Variants in SULF1 observed in about 807,000 individuals in gnomAD.
SULF1 encodes extracellular sulfatase Sulf-1.
In SULF1, 46 loss-of-function variants were observed where a neutral mutation model predicts 110.5. That is an observed-to-expected ratio of 0.42 (90% CI 0.33 to 0.53). The LOEUF is 0.53. Among genes scored for constraint, SULF1 ranks in the 20% least tolerant of loss-of-function variants. SULF1 has a pLI of 0.12. For missense variants in SULF1, 941 were observed against 1,094.2 expected (o/e 0.86, Z 1.98); for synonymous variants, 371 against 387.1 (o/e 0.96, Z 0.49).
intron 2 of SULF1, among the ~76,000 whole-genome samples, chr8:69,500,341 G>A (rs1810706521): frequency 1.3e-5 from 2 of 152,144 alleles, no homozygotes; most frequent in Non-Finnish European, 2.9e-5. Flanking sequence ...TGTCAGAGGA[G>A]AATACTGAGG....
chr8:69,513,259 A>G (rs1438765414), intron 3 of SULF1, among the ~76,000 whole-genome samples: 1 of 152,220 alleles, frequency 6.6e-6, no homozygotes, highest in Admixed American at 6.5e-5. Flanking sequence ...TTTTAAGATC[A>G]CCTACATAAT....
intron 3 of SULF1, among the ~76,000 whole-genome samples, chr8:69,517,718 A>G (rs1682208290): frequency 6.6e-6 from 1 of 152,210 alleles, no homozygotes; most frequent in South Asian, 2.1e-4. Context: ...AAAAGTATCC[A>G]GTAAAAAAGA....
chr8:69,634,563 G>A (rs1012640316), intron 19 of SULF1, among the ~76,000 whole-genome samples: 1 of 152,110 alleles, frequency 6.6e-6, no homozygotes, highest in Non-Finnish European at 1.5e-5. Context: ...GAGCCCAGGA[G>A]TTCAAGACCA....
rs534337757 is a variant in SULF1, at chr8:69,591,914, T to C, written c.734+2773T>C. 1.1e-4 allele frequency among the ~76,000 whole-genome samples: 16 copies of C among 152,342 alleles called. No individual in the cohort carries two copies. In the South Asian group the frequency reaches 3.3e-3, roughly 32 times the overall value. On this transcript the variant is annotated intron_variant, in intron 8 of 22. Transcript: ENST00000402687. Reference sequence around the variant, plus strand: ...CAGATACCATACAGCCTGGAAATACTATCTCATCCTCGATAAAGTAACTTT... The same window carrying C: ...CAGATACCATACAGCCTGGAAATACCATCTCATCCTCGATAAAGTAACTTT...
At chr8:69,488,257 G>C (rs1809782154), upstream of SULF1, among the ~76,000 whole-genome samples, 1 of 152,120 alleles carries the variant, frequency 6.6e-6, no homozygotes, top group South Asian at 2.1e-4. Context: ...TCTTGCCTGT[G>C]GAGATGAGAA....
chr8:69,564,515 T>C (rs555290006), intron 5 of SULF1, among the ~76,000 whole-genome samples: 1 of 152,342 alleles, frequency 6.6e-6, no homozygotes, highest in South Asian at 2.1e-4. Flanking sequence ...ATGCAATGGA[T>C]ATGAATATAG....
intron 2 of SULF1, among the ~76,000 whole-genome samples, chr8:69,498,513 T>G (rs1810546212): frequency 6.6e-6 from 1 of 152,028 alleles, no homozygotes. Context: ...GACACAACCC[T>G]CACTCTGAGG....
intron 1 of SULF1, among the ~76,000 whole-genome samples, chr8:69,480,416 T>C (rs1809468881): frequency 6.6e-6 from 1 of 152,224 alleles, no homozygotes; most frequent in Non-Finnish European, 1.5e-5. Flanking sequence ...AAATATACCA[T>C]ATTTGGTCAA....
chr8:69,529,785 G>T (rs1812958454), intron 3 of SULF1, among the ~76,000 whole-genome samples: 1 of 152,164 alleles, frequency 6.6e-6, no homozygotes, highest in Non-Finnish European at 1.5e-5. Context: ...CCACATGCAT[G>T]GAAACTGAGA....
At chr8:69,535,731 C>G (rs895614596) in intron 3 of SULF1, among the ~76,000 whole-genome samples, 1 of 152,054 alleles carries the variant, frequency 6.6e-6, no homozygotes, top group Non-Finnish European at 1.5e-5. Context: ...CCACCCTCAT[C>G]CAAAGCAAAG....
intron 13 of SULF1, among the ~76,000 whole-genome samples, chr8:69,619,328 G>A (rs1295721263): frequency 6.6e-6 from 1 of 152,220 alleles, no homozygotes; most frequent in East Asian, 1.9e-4. Context: ...TGTGACAACT[G>A]TGGCCAACTT....
chr8:69,516,334 T>C (rs1811915932), intron 3 of SULF1, among the ~76,000 whole-genome samples: 1 of 151,922 alleles, frequency 6.6e-6, no homozygotes, highest in African/African-American at 2.4e-5. Context: ...GGCATTGTCC[T>C]ACATTGCTGA....
chr8:69,476,601 A>G (rs1365831504), intron 1 of SULF1, among the ~76,000 whole-genome samples: 1 of 152,212 alleles, frequency 6.6e-6, no homozygotes, highest in African/African-American at 2.4e-5. Context: ...TCCTCAAAAG[A>G]GACTTGGGTC....
At chr8:69,639,938 C>G (rs765459453) in intron 21 of SULF1, among the ~76,000 whole-genome samples, 51 of 152,292 alleles carry the variant, frequency 3.3e-4, no homozygotes, top group African/African-American at 1.1e-3. Context: ...TCAATTAACA[C>G]TTAGTGGAAT....
chr8:69,525,042 A>G (rs909064387), intron 3 of SULF1, among the ~76,000 whole-genome samples: 3 of 152,212 alleles, frequency 2.0e-5, no homozygotes, highest in Non-Finnish European at 2.9e-5. Flanking sequence ...TTGACAAAAG[A>G]TCATTCAGAA....
chr8:69,548,206 G>T (rs916814668), intron 3 of SULF1, among the ~76,000 whole-genome samples: 1 of 152,154 alleles, frequency 6.6e-6, no homozygotes, highest in South Asian at 2.1e-4. Flanking sequence ...TATTATTATA[G>T]AAGGGAGAAG....
intron 8 of SULF1, among the ~76,000 whole-genome samples, chr8:69,596,452 AC>A (rs1488076666): frequency 1.3e-5 from 2 of 152,148 alleles, no homozygotes; most frequent in East Asian, 3.8e-4. Context: ...GAAGGGCCAG[AC>A]TTTATTCTGT....
rs556113003 is a variant in SULF1 at position 69,554,991 on chromosome 8, A to C, written c.-133-8548A>C. 7.4e-4 allele frequency among the ~76,000 whole-genome samples: 65 copies of C among 87,558 alleles called. 1 individual carries two copies. In the South Asian group the frequency reaches 9.8e-3, roughly 13 times the overall value. The allele number at this position is 87,558 out of a possible 152,430, so 57.4% of individuals were successfully genotyped here. A position where few individuals can be genotyped will look rare whatever the true frequency, so the allele number is the denominator to read the frequency against. On this transcript the variant is annotated intron_variant, in intron 3 of 22. Coordinates refer to ENST00000402687, the MANE Select transcript of SULF1 (RefSeq NM_001128205.2). ...GAGATTCCATCTCAAAAAAAAAAAA[A>C]AAAAAAACAAAAAAAAAAAACTTCA... is the stretch of plus-strand genomic sequence containing the variant.
chr8:69,602,699 G>A (rs1807920043), intron 10 of SULF1, among the ~76,000 whole-genome samples: 1 of 152,190 alleles, frequency 6.6e-6, no homozygotes, highest in African/African-American at 2.4e-5. Flanking sequence ...AGGTTTCTTT[G>A]AAGAATGTTA....
Sources: gnomAD v4.1 joint callset for allele counts (sites outside exome capture counted in the v4.1 genomes callset) on GRCh38, gnomAD v4.1.1 for gene constraint, MANE v1.5 for transcripts, NCBI Gene and HGNC (gene_info 2026-07-23, HGNC 2026-07-21) for gene names.